NBEA: variants seen among roughly 807,000 people sequenced by gnomAD.
NBEA encodes the protein lysosomal-trafficking regulator 2.
In NBEA, 44 loss-of-function variants were observed where a neutral mutation model predicts 343.4. The observed-to-expected ratio is 0.13, with a 90% confidence interval of 0.10 to 0.16. NBEA has a LOEUF of 0.16. Among genes scored for constraint, NBEA ranks in the 10% least tolerant of loss-of-function variants. The pLI is 1.00. For synonymous variants in NBEA, 1,175 were observed against 1,238.7 expected (o/e 0.95, Z 1.08); for missense variants, 2,555 against 3,631.3 (o/e 0.70, Z 7.62).
intron 43 of NBEA, among the ~76,000 whole-genome samples, chr13:35,553,555 TA>T (rs2079442992): frequency 6.6e-6 from 1 of 152,050 alleles, no homozygotes; most frequent in Non-Finnish European, 1.5e-5. Context: ...TTATCTACCA[TA>T]AAATGGGGAA....
intron 34 of NBEA, among the ~76,000 whole-genome samples, chr13:35,255,626 G>C (rs2032500463): frequency 6.6e-6 from 1 of 152,234 alleles, no homozygotes; most frequent in African/African-American, 2.4e-5. Context: ...GTCTGGATGA[G>C]GGCAAGATGA....
At chr13:35,526,302 C>T (rs1010319838) in intron 41 of NBEA, among the ~76,000 whole-genome samples, 17 of 152,138 alleles carry the variant, frequency 1.1e-4, no homozygotes, top group African/African-American at 3.6e-4. Flanking sequence ...TTTAACATTT[C>T]ATAAAATTTG....
chr13:35,112,959 C>A (rs73500404), intron 13 of NBEA, among the ~76,000 whole-genome samples: 2,427 of 152,106 alleles, frequency 0.016, 64 homozygotes, highest in African/African-American at 0.05. Flanking sequence ...AATTCAGAGA[C>A]CCCATTCAAA....
At chr13:34,996,385 T>C (rs1375069735) in intron 1 of NBEA, among the ~76,000 whole-genome samples, 1 of 152,172 alleles carries the variant, frequency 6.6e-6, no homozygotes, top group Non-Finnish European at 1.5e-5. Flanking sequence ...CTTTTGCCAA[T>C]ATTAGGGTTT....
chr13:35,087,158 G>C (rs913144182), intron 10 of NBEA, among the ~76,000 whole-genome samples: 11 of 151,316 alleles, frequency 7.3e-5, no homozygotes, highest in Non-Finnish European at 1.5e-4. Flanking sequence ...GTTTTATATA[G>C]TCTCATTTGT....
intron 11 of NBEA, among the ~76,000 whole-genome samples, chr13:35,100,273 A>ACG (rs1428754612): frequency 6.6e-6 from 1 of 152,048 alleles, no homozygotes; most frequent in East Asian, 1.9e-4. Context: ...TCTTTGAAAC[A>ACG]AGTGTTGACC....
chr13:34,964,038 CA>C (rs1210825191), intron 1 of NBEA, among the ~76,000 whole-genome samples: 4 of 151,926 alleles, frequency 2.6e-5, no homozygotes, highest in African/African-American at 7.2e-5. Flanking sequence ...TCCAAGATTT[CA>C]GAGCAAATAA....
At chr13:35,381,044 C>A (rs2041986329) in intron 38 of NBEA, among the ~76,000 whole-genome samples, 1 of 151,806 alleles carries the variant, frequency 6.6e-6, no homozygotes, top group Non-Finnish European at 1.5e-5. Context: ...TATGATTTTT[C>A]TTTTTTTCTA....
At chr13:35,070,335 A>G (rs1389801141) in intron 9 of NBEA, among the ~76,000 whole-genome samples, 1 of 152,098 alleles carries the variant, frequency 6.6e-6, no homozygotes, top group Non-Finnish European at 1.5e-5. Flanking sequence ...TATCTTATAT[A>G]GCCTTTGAAA....
At chr13:34,973,624 C>T (rs1037926684) in intron 1 of NBEA, among the ~76,000 whole-genome samples, 3 of 152,104 alleles carry the variant, frequency 2.0e-5, no homozygotes, top group Admixed American at 1.3e-4. Context: ...TTTGGACTCT[C>T]CAGGGCCTGC....
intron 39 of NBEA, among the ~76,000 whole-genome samples, chr13:35,442,287 G>A (rs1468722451): frequency 6.6e-6 from 1 of 152,068 alleles, no homozygotes; most frequent in African/African-American, 2.4e-5. Flanking sequence ...ATGATATTTA[G>A]AGAGTTCCAA....
chr13:35,252,864 C>G (rs934806211), intron 34 of NBEA, among the ~76,000 whole-genome samples: 2 of 152,124 alleles, frequency 1.3e-5, no homozygotes, highest in Non-Finnish European at 2.9e-5. Flanking sequence ...CCCCCCAGGT[C>G]CCTAAAACTT....
At chr13:35,070,421 C>G (rs1401447398) in intron 9 of NBEA, among the ~76,000 whole-genome samples, 1 of 151,964 alleles carries the variant, frequency 6.6e-6, no homozygotes, top group Admixed American at 6.6e-5. Flanking sequence ...TACTAATATT[C>G]TCTAACATTA....
intron 32 of NBEA, among the ~76,000 whole-genome samples, 171 bp from the exon 33 acceptor site, chr13:35,210,882 T>C (rs2073727565): frequency 6.6e-6 from 1 of 152,192 alleles, no homozygotes; most frequent in South Asian, 2.1e-4. Context: ...CAACATCTGT[T>C]ATATAAAATT....
intron 48 of NBEA, among the ~76,000 whole-genome samples, chr13:35,609,071 G>C (rs2082400055): frequency 6.6e-6 from 1 of 152,080 alleles, no homozygotes; most frequent in Non-Finnish European, 1.5e-5. Context: ...TCGTGGACAT[G>C]GTTAATGCAG....
At chr13:35,494,139 A>T in intron 41 of NBEA, among the ~76,000 whole-genome samples, 1 of 152,146 alleles carries the variant, frequency 6.6e-6, no homozygotes, top group Middle Eastern at 3.4e-3. Flanking sequence ...GAAAATAGTA[A>T]GAAAGTAATT....
At position 35,110,841 on chromosome 13, in the gene NBEA, C is replaced by T; in HGVS notation, c.1865C>T (p.Ala622Val). ...CTTTCCCTATACACATATTTGTCTG[C>T]TGAATTTATTGGAACTGCTACCATC... ...VQLSLYTYLSAEFIGTATIYT... is the reference protein window; with the variant it reads ...VQLSLYTYLSVEFIGTATIYT... The change falls in exon 13 of 59, where the codon GCT becomes GTT. Residue 622 changes from alanine (A) to valine (V), a missense_variant. This residue lies in a region of NBEA where 360 missense variants were observed against 519.1 expected (regional missense o/e 0.69). Coordinates refer to ENST00000379939, the MANE Select transcript of NBEA (RefSeq NM_001385012.1). The T allele has an allele frequency of 6.2e-7, 1 of 1,611,900 alleles. No individual in the cohort carries two copies.
intron 10 of NBEA, among the ~76,000 whole-genome samples, chr13:35,083,336 T>A (rs572486201): frequency 7.2e-5 from 11 of 151,902 alleles, no homozygotes; most frequent in Non-Finnish European, 1.3e-4. Context: ...TAGTATAGTT[T>A]GAAGTCAGGT....
intron 17 of NBEA, among the ~76,000 whole-genome samples, chr13:35,124,602 A>G (rs2066989588): frequency 6.7e-6 from 1 of 149,998 alleles, no homozygotes; most frequent in African/African-American, 2.4e-5. Context: ...ATATGGATAT[A>G]TATACACATA....
Sources: gnomAD v4.1 joint callset for allele counts (sites outside exome capture counted in the v4.1 genomes callset) on GRCh38, gnomAD v4.1.1 for gene constraint, gnomAD v4.1.1 regional missense constraint, MANE v1.5 for transcripts, NCBI Gene and HGNC (gene_info 2026-07-23, HGNC 2026-07-21) for gene names.